Variants in CD163L1 observed in about 807,000 individuals in gnomAD.
CD163L1 encodes scavenger receptor cysteine-rich type 1 protein M160.
In CD163L1, 124 loss-of-function variants were observed where a neutral mutation model predicts 165.4. That is an observed-to-expected ratio of 0.75 (90% CI 0.65 to 0.87). The LOEUF is 0.87. Ranked by LOEUF, CD163L1 falls within the 40% of genes least tolerant of loss-of-function variation. The pLI is 0.00. For missense variants in CD163L1, 1,525 were observed against 1,799.9 expected, an observed-to-expected ratio of 0.85 and a Z score of 2.76; for synonymous variants, 585 against 662.2, an observed-to-expected ratio of 0.88 and a Z score of 1.79.
chr12:7,368,969 A>AGAGG lies in CD163L1; in HGVS notation c.4040-5_4040-4insCCTC, dbSNP rs756092467. ...TTCAGTGATTTCAGCGACTGTCCTG[A>AGAGG]GAGAGAGAGAGAGAGAGAGAGACGT... On this transcript the variant is annotated splice_region_variant and splice_polypyrimidine_tract_variant and intron_variant, in intron 15 of 19. Coordinates refer to ENST00000313599, the MANE Select transcript of CD163L1 (RefSeq NM_174941.6). This position sits in a 1 kb window ranked among gnomAD's most constrained non-coding sequence, Gnocchi z 4.3. 5.4e-6 allele frequency: 2 copies of AGAGG among 371,716 alleles called. No homozygotes were observed. The highest frequency in any genetic ancestry group is 4.4e-5 in the African/African-American group (2 of 45,936). 23.0% of individuals were successfully genotyped at this position (371,716 alleles called of 1,614,324 possible). A position where few individuals can be genotyped will look rare whatever the true frequency, so the allele number is the denominator to read the frequency against.
chr12:7,442,885 C>T (rs769085507), intron 1 of CD163L1, among the ~76,000 whole-genome samples: 3 of 152,190 alleles, frequency 2.0e-5, no homozygotes, highest in South Asian at 2.1e-4. Flanking sequence ...ATCTGATGAA[C>T]GTGAACAAAT....
chr12:7,323,408 A>T, the CD163L1 span: 1 of 1,603,578 alleles, frequency 6.2e-7, no homozygotes, highest in Non-Finnish European at 8.5e-7. Context: ...AGCTGCTTTC[A>T]TTTTTGTGAA....
chr12:7,437,981 C>G (rs1025620255), intron 2 of CD163L1, among the ~76,000 whole-genome samples: 21 of 151,684 alleles, frequency 1.4e-4, no homozygotes, highest in Non-Finnish European at 3.1e-4. Flanking sequence ...CCATGTTCCC[C>G]CTTCTGGTCC....
At chr12:7,386,594 G>A (rs939528994) in intron 8 of CD163L1, among the ~76,000 whole-genome samples, 19 of 94,492 alleles carry the variant, frequency 2.0e-4, no homozygotes, top group East Asian at 2.9e-4. Flanking sequence ...AGCCAAATCC[G>A]TCAACATATC....
At chr12:7,335,782 A>T in the CD163L1 span, among the ~76,000 whole-genome samples, 1 of 152,298 alleles carries the variant, frequency 6.6e-6, no homozygotes, top group Non-Finnish European at 1.5e-5. Context: ...TAATATCCAG[A>T]ATCAACAATG....
At chr12:7,407,033 T>C (rs967769584) in intron 4 of CD163L1, among the ~76,000 whole-genome samples, 181 bp from the exon 5 acceptor site, 26 of 152,206 alleles carry the variant, frequency 1.7e-4, no homozygotes, top group African/African-American at 6.0e-4. Flanking sequence ...CAGGAAAGGA[T>C]CATACTATGA....
chr12:7,413,816 A>G (rs776571314), intron 4 of CD163L1, among the ~76,000 whole-genome samples: 31 of 152,080 alleles, frequency 2.0e-4, no homozygotes, highest in Non-Finnish European at 4.1e-4. Flanking sequence ...ATAAATGGAA[A>G]TCTCTCAGTA....
At chr12:7,350,543 G>A (rs1305243598), downstream of CD163L1, among the ~76,000 whole-genome samples, 1 of 151,882 alleles carries the variant, frequency 6.6e-6, no homozygotes, top group East Asian at 1.9e-4. Flanking sequence ...GTCTCTTTCT[G>A]TCCTCTTTCC....
chr12:7,391,433 G>A (rs1947651531), intron 8 of CD163L1, among the ~76,000 whole-genome samples: 2 of 151,966 alleles, frequency 1.3e-5, no homozygotes, highest in Non-Finnish European at 2.9e-5. Context: ...GAGCTAAAGG[G>A]GCATGTTCTA....
downstream of CD163L1, among the ~76,000 whole-genome samples, chr12:7,343,593 G>A (rs115470509): frequency 3.6e-3 from 543 of 152,170 alleles, 3 homozygotes; most frequent in African/African-American, 0.013. Context: ...GCAGGGAGGT[G>A]CCACAAACTT....
chr12:7,367,469 T>A (rs780668287), intron 17 of CD163L1, 138 bp from the exon 18 acceptor site: 1 of 485,334 alleles, frequency 2.1e-6, no homozygotes, highest in South Asian at 4.4e-5. Flanking sequence ...CTACCCCTGC[T>A]AGTGAATTTT....
intron 8 of CD163L1, among the ~76,000 whole-genome samples, chr12:7,380,342 C>CATACATGTATGTGTGTATACGCGTATAT (rs1947364062): frequency 6.8e-6 from 1 of 146,116 alleles, no homozygotes; most frequent in Non-Finnish European, 1.5e-5. Context: ...TACACGTATA[C>CATACATGTATGTGTGTATACGCGTATAT]ATACATGTAT....
At chr12:7,362,834 AT>A (rs1025493500) in intron 18 of CD163L1, among the ~76,000 whole-genome samples, 15 of 151,384 alleles carry the variant, frequency 9.9e-5, no homozygotes, top group African/African-American at 3.6e-4. Context: ...TTGCACATGC[AT>A]TTTTATAACA....
chr12:7,368,811 C>A lies in CD163L1; in HGVS notation c.4072+122G>T. The A allele has an allele frequency of 1.8e-6, 2 of 1,094,962 alleles. No homozygotes were observed. The highest frequency in any genetic ancestry group is 2.4e-5 in the East Asian group (1 of 41,788). The allele number at this position is 1,094,962 out of a possible 1,614,324, so 67.8% of individuals were successfully genotyped here. On this transcript the variant is annotated intron_variant, in intron 16 of 19. Transcript: ENST00000313599. The surrounding 1 kb of genome is among the most constrained non-coding windows in gnomAD (Gnocchi z 4.3). ...AGCTATTGATACCACTGGCTGCGAC[C>A]CACAGACTCATATTTCTGCAGTCCC... is the stretch of plus-strand genomic sequence containing the variant.
Position 7,368,757 on chromosome 12 carries a change from A to T in CD163L1, c.4072+176T>A. The T allele has an allele frequency of 1.5e-6, 1 of 653,562 alleles. No individual in the cohort carries two copies. Among genetic ancestry groups the T allele is most frequent in the Non-Finnish European group, 2.7e-6 (1 of 368,496 alleles). 40.5% of individuals were successfully genotyped at this position (653,562 alleles called of 1,614,324 possible). A position where few individuals can be genotyped will look rare whatever the true frequency, so the allele number is the denominator to read the frequency against. On this transcript the variant is annotated intron_variant, in intron 16 of 19. Coordinates refer to ENST00000313599, the MANE Select transcript of CD163L1 (RefSeq NM_174941.6). The surrounding 1 kb of genome is among the most constrained non-coding windows in gnomAD (Gnocchi z 4.3). ...GCATGTAAAAAGGATTTTTCTAGAG[A>T]GAAGGACTGCATAGCAAAGCAGTCA...
intron 18 of CD163L1, among the ~76,000 whole-genome samples, chr12:7,360,780 T>C (rs1946874740): frequency 6.6e-6 from 1 of 152,176 alleles, no homozygotes; most frequent in African/African-American, 2.4e-5. Context: ...CTCTGTTTAA[T>C]GTAGATTGGC....
the CD163L1 span, among the ~76,000 whole-genome samples, chr12:7,330,933 T>C: frequency 6.6e-6 from 1 of 152,154 alleles, no homozygotes; most frequent in African/African-American, 2.4e-5. Flanking sequence ...TGCTGGACAG[T>C]GGGTGCAGGA....
At chr12:7,319,602 AAAAG>A in the CD163L1 span, among the ~76,000 whole-genome samples, 5 of 151,736 alleles carry the variant, frequency 3.3e-5, no homozygotes, top group Non-Finnish European at 5.9e-5. Flanking sequence ...AAAAAAAAAA[AAAAG>A]AAAAAAATAC....
At chr12:7,424,907 T>C (rs1477092735) in intron 4 of CD163L1, among the ~76,000 whole-genome samples, 1 of 152,208 alleles carries the variant, frequency 6.6e-6, no homozygotes, top group African/African-American at 2.4e-5. Flanking sequence ...ATGGCCATAC[T>C]GCCCAAAGTA....
Sources: allele counts gnomAD v4.1 joint callset (sites outside exome capture counted in the v4.1 genomes callset), GRCh38; gene constraint gnomAD v4.1.1; non-coding constraint Gnocchi (gnomAD v3.1); transcripts MANE v1.5; gene names NCBI Gene and HGNC (gene_info 2026-07-23, HGNC 2026-07-21).